MTREX: variants seen among roughly 807,000 people sequenced by gnomAD.
The protein encoded by MTREX is Mtr4 exosome RNA helicase.
In MTREX, 76 loss-of-function variants were observed where a neutral mutation model predicts 135.4. The ratio of observed to expected loss-of-function variants is 0.56; its 90% CI spans 0.47 to 0.68. The LOEUF is 0.68. MTREX is among the 30% of genes least tolerant of loss of function. The pLI is 0.00. For missense variants in MTREX, 920 were observed against 1,262.1 expected (o/e 0.73, Z 4.11); for synonymous variants, 404 against 401.6 (o/e 1.01, Z -0.07).
At chr5:55,337,709 GTTTAA>G (rs75831387) in intron 5 of MTREX, among the ~76,000 whole-genome samples, 20,571 of 151,500 alleles carry the variant, frequency 0.14, 1,700 homozygotes, top group East Asian at 0.26. Flanking sequence ...AATTTCAGTA[GTTTAA>G]TTTAATGATT....
intron 24 of MTREX, among the ~76,000 whole-genome samples, chr5:55,414,730 A>T (rs1265452070): frequency 6.6e-6 from 1 of 152,006 alleles, no homozygotes; most frequent in Non-Finnish European, 1.5e-5. Flanking sequence ...GCTCACTGCA[A>T]CCTCCACCTT....
intron 5 of MTREX, among the ~76,000 whole-genome samples, chr5:55,335,672 A>G (rs917304868): frequency 1.1e-4 from 17 of 152,158 alleles, no homozygotes; most frequent in Non-Finnish European, 2.9e-5. Context: ...TGGGGTTATA[A>G]TAAGTATTGA....
chr5:55,335,816 G>T (rs892269870), intron 5 of MTREX, among the ~76,000 whole-genome samples: 7 of 152,020 alleles, frequency 4.6e-5, no homozygotes, highest in African/African-American at 1.7e-4. Context: ...TTTTGATAGG[G>T]ATTTTGTTGA....
intron 21 of MTREX, among the ~76,000 whole-genome samples, chr5:55,401,345 A>G (rs973266661): frequency 3.9e-5 from 6 of 152,172 alleles, no homozygotes. Flanking sequence ...TGGCTAAATT[A>G]TATTTTGTTA....
At chr5:55,352,457 A>T (rs1202037750) in intron 13 of MTREX, among the ~76,000 whole-genome samples, 1 of 152,170 alleles carries the variant, frequency 6.6e-6, no homozygotes, top group Admixed American at 6.5e-5. Context: ...TATGTAAAGT[A>T]AAAAAATGAA....
In MTREX at chr5:55,350,908, C is replaced by G; in HGVS notation, c.1321-11C>G. The G allele has an allele frequency of 6.3e-7, 1 of 1,576,142 alleles. No homozygotes were observed. Among genetic ancestry groups the G allele is most frequent in the Non-Finnish European group, 8.6e-7 (1 of 1,163,612 alleles). Reference sequence around the variant, plus strand: ...CATCATTATAAAATCAGTGTTATTCCAAAATCACAGGTAGAACATGTACTT... The same window carrying G: ...CATCATTATAAAATCAGTGTTATTCGAAAATCACAGGTAGAACATGTACTT... On this transcript the variant is annotated splice_polypyrimidine_tract_variant and intron_variant, in intron 12 of 26. Transcript: ENST00000230640.
intron 14 of MTREX, among the ~76,000 whole-genome samples, chr5:55,354,269 T>C (rs903058657): frequency 3.3e-5 from 5 of 152,076 alleles, no homozygotes; most frequent in Non-Finnish European, 7.4e-5. Context: ...AGGAAGTCAT[T>C]TGGGGGTCAG....
At chr5:55,374,880 A>G (rs572626590) in intron 16 of MTREX, among the ~76,000 whole-genome samples, 43 of 152,266 alleles carry the variant, frequency 2.8e-4, no homozygotes, top group African/African-American at 7.0e-4. Flanking sequence ...GTTCTTTTCT[A>G]TTTTCCTTAA....
chr5:55,396,249 G>C (rs547688073), intron 19 of MTREX, among the ~76,000 whole-genome samples: 2 of 152,306 alleles, frequency 1.3e-5, no homozygotes, highest in South Asian at 4.1e-4. Flanking sequence ...ACTAAATCCA[G>C]TTTATGATCC....
chr5:55,420,655 G>GT (rs1247383313), intron 25 of MTREX, among the ~76,000 whole-genome samples: 1 of 152,222 alleles, frequency 6.6e-6, no homozygotes, highest in African/African-American at 2.4e-5. Context: ...AATGTCCAGA[G>GT]TAAGCAGATT....
At chr5:55,385,106 A>G (rs1750456397) in intron 18 of MTREX, among the ~76,000 whole-genome samples, 1 of 152,170 alleles carries the variant, frequency 6.6e-6, no homozygotes. Flanking sequence ...TTTAAGGCAT[A>G]TTTCTTCACC....
intron 21 of MTREX, among the ~76,000 whole-genome samples, 198 bp downstream of exon 21, chr5:55,400,619 A>G (rs1416241777): frequency 6.6e-6 from 1 of 152,230 alleles, no homozygotes; most frequent in Non-Finnish European, 1.5e-5. Flanking sequence ...ATAGTTTGAT[A>G]TTTCACATAG....
intron 25 of MTREX, among the ~76,000 whole-genome samples, chr5:55,418,004 G>A (rs1472956646): frequency 6.6e-6 from 1 of 151,428 alleles, no homozygotes; most frequent in Non-Finnish European, 1.5e-5. Flanking sequence ...GGAGGCCGAG[G>A]CGGGCGGATC....
intron 18 of MTREX, among the ~76,000 whole-genome samples, chr5:55,385,237 G>T (rs1312203518): frequency 6.6e-6 from 1 of 152,104 alleles, no homozygotes; most frequent in Non-Finnish European, 1.5e-5. Context: ...TGTAGCCTCA[G>T]GTATTTTCAT....
At chr5:55,321,714 T>G (rs1579847364) in intron 1 of MTREX, among the ~76,000 whole-genome samples, 2 of 151,586 alleles carry the variant, frequency 1.3e-5, no homozygotes, top group East Asian at 3.9e-4. Flanking sequence ...GTTCAAGCAG[T>G]TCACCTGTCC....
chr5:55,314,225 C>G (rs1245920208), intron 1 of MTREX, among the ~76,000 whole-genome samples: 2 of 152,184 alleles, frequency 1.3e-5, no homozygotes, highest in Non-Finnish European at 2.9e-5. Flanking sequence ...AATTCCTCTC[C>G]ACAGGAGATG....
In MTREX at chr5:55,409,815, T is replaced by C. The variant is rs1169149383; in HGVS notation, c.2646-709T>C. ...AATTGTATTTCCTAGATGGATATTT[T>C]TCAGATTTGTGGATGACAATTGGTG... On this transcript the variant is annotated intron_variant, in intron 22 of 26. Coordinates refer to ENST00000230640, the MANE Select transcript of MTREX (RefSeq NM_015360.5). Among the ~76,000 whole-genome samples, 4 of 152,346 alleles carry C rather than the reference T, an allele frequency of 2.6e-5. No homozygotes were observed. In the East Asian group the frequency reaches 5.8e-4, roughly 22 times the overall value.
At chr5:55,342,939 G>A (rs1024324825) in intron 7 of MTREX, among the ~76,000 whole-genome samples, 2 of 152,148 alleles carry the variant, frequency 1.3e-5, no homozygotes, top group Admixed American at 6.5e-5. Flanking sequence ...TTGGGTGAAC[G>A]ATGCCGTCTG....
intron 14 of MTREX, among the ~76,000 whole-genome samples, chr5:55,354,993 G>A (rs1749887089): frequency 6.6e-6 from 1 of 152,192 alleles, no homozygotes; most frequent in Non-Finnish European, 1.5e-5. Context: ...AGGGTGGATT[G>A]GGCGAGGGAA....
Sources: gnomAD v4.1 joint callset for allele counts (sites outside exome capture counted in the v4.1 genomes callset) on GRCh38, gnomAD v4.1.1 for gene constraint, MANE v1.5 for transcripts, NCBI Gene and HGNC (gene_info 2026-07-23, HGNC 2026-07-21) for gene names.